Variants in RBL1 observed in about 807,000 individuals in gnomAD.
The protein encoded by RBL1 is retinoblastoma-like protein 1.
In RBL1, 82 loss-of-function variants were observed where a neutral mutation model predicts 123.0. The observed-to-expected ratio is 0.67, with a 90% CI of 0.56 to 0.80. RBL1 has a LOEUF of 0.80. Among genes scored for constraint, RBL1 ranks in the 30% least tolerant of loss-of-function variants. The pLI, the probability that RBL1 is intolerant of heterozygous loss-of-function variation, is 0.00. For synonymous variants in RBL1, 405 were observed against 441.3 expected (o/e 0.92, Z 1.03); for missense variants, 1,171 against 1,299.6 (o/e 0.90, Z 1.52).
chr20:37,060,678 G>C (rs2065079196), intron 9 of RBL1, among the ~76,000 whole-genome samples: 1 of 152,054 alleles, frequency 6.6e-6, no homozygotes, highest in Admixed American at 6.6e-5. Flanking sequence ...GCTAACTTGG[G>C]GGACTGAGGT....
intron 16 of RBL1, among the ~76,000 whole-genome samples, chr20:37,029,176 A>G (rs968219640): frequency 6.6e-6 from 1 of 152,232 alleles, no homozygotes; most frequent in African/African-American, 2.4e-5. Context: ...AAAATACTCA[A>G]AAAGCTAGGA....
intron 6 of RBL1, 58 bp downstream of exon 6, chr20:37,066,661 TTTTTC>T: frequency 6.7e-7 from 1 of 1,483,732 alleles, no homozygotes; most frequent in Non-Finnish European, 9.2e-7. Flanking sequence ...TTAAAACATT[TTTTTC>T]TTTTCACATT....
intron 9 of RBL1, among the ~76,000 whole-genome samples, chr20:37,060,173 A>AAAATT (rs1555862302): frequency 6.8e-6 from 1 of 146,308 alleles, no homozygotes; most frequent in African/African-American, 2.5e-5. Context: ...ACTCTGTCTC[A>AAAATT]AAATAAATAA....
At chr20:37,022,888 G>A in intron 16 of RBL1, 62 bp from the exon 17 acceptor site, 2 of 1,320,072 alleles carry the variant, frequency 1.5e-6, no homozygotes, top group Admixed American at 2.1e-5. Context: ...AAATTTTTAT[G>A]TCTTACCAAG....
rs1229113144 is a variant in RBL1 at position 37,089,566 on chromosome 20, C to T, written c.157-444G>A. On this transcript the variant is annotated intron_variant, in intron 1 of 21. Transcript: ENST00000373664. The stretch of plus-strand genomic sequence containing the variant: ...GGCTGAGGCAAGAGTATCGCTTAAG[C>T]TCAGGAGTTCAAGACTGCAGTGAGC... 3.9e-5 allele frequency among the ~76,000 whole-genome samples: 6 copies of T among 151,906 alleles called. 1 individual carries two copies. In the South Asian group the frequency reaches 1.0e-3, roughly 26 times the overall value.
intron 21 of RBL1, 129 bp from the exon 22 acceptor site, chr20:36,999,058 T>A (rs1289602017): frequency 1.2e-6 from 1 of 859,914 alleles, no homozygotes; most frequent in Non-Finnish European, 1.7e-6. Context: ...AAGGACTCTT[T>A]TTAAAACTTA....
Position 37,095,909 on chromosome 20 carries a change from T to C in RBL1, c.20A>G (p.His7Arg). The C allele has an allele frequency of 1.9e-6, 3 of 1,600,242 alleles. No homozygotes were observed. The highest frequency in any genetic ancestry group is 2.6e-6 in the Non-Finnish European group (3 of 1,174,738). ...GGCGACCACCGCCGCCCCCTCAGCG[T>C]GGGGCTTGTCCTCGAACATCCCTTC... MFEDKP[H>R]AEGAAVVAAA... Residue 7 changes from histidine (H) to arginine (R), a missense_variant, in exon 1 of 22, where the codon CAC (histidine) becomes CGC (arginine). Coordinates refer to ENST00000373664, the MANE Select transcript of RBL1 (RefSeq NM_002895.5).
chr20:37,000,934 C>A (rs1387481740), intron 21 of RBL1, among the ~76,000 whole-genome samples: 1 of 144,766 alleles, frequency 6.9e-6, no homozygotes, highest in Admixed American at 6.7e-5. Context: ...CCGCCCCATC[C>A]GGGAGGTGAG....
At position 37,095,901 on chromosome 20, in the gene RBL1, C is replaced by G. The variant is rs779023874; in HGVS notation, c.28G>C (p.Gly10Arg). The G allele has an allele frequency of 6.2e-7, 1 of 1,602,112 alleles. No individual in the cohort carries two copies. Among genetic ancestry groups the G allele is most frequent in the Non-Finnish European group, 8.5e-7 (1 of 1,175,510 alleles). Residue 10 changes from glycine (G) to arginine (R), a missense_variant, in exon 1 of 22, where the codon GGG (glycine) becomes CGG (arginine). Transcript: ENST00000373664. ...CCGGCTGCGGCGACCACCGCCGCCC[C>G]CTCAGCGTGGGGCTTGTCCTCGAAC... MFEDKPHAE[G>R]AAVVAAAGEA...
At chr20:37,043,028 G>A (rs1478412924) in intron 13 of RBL1, among the ~76,000 whole-genome samples, 1 of 151,628 alleles carries the variant, frequency 6.6e-6, no homozygotes, top group Non-Finnish European at 1.5e-5. Flanking sequence ...AAGGAAATGA[G>A]CCAGATGTGG....
rs2063913867 is a variant in RBL1, at chr20:36,998,547, C to T, written c.*212G>A. On this transcript the variant is annotated 3_prime_UTR_variant, in exon 22 of 22. Transcript: ENST00000373664. ...CCGGACTATTAGTATTTTTAAAAGGCACTTAAAATATTCCTTTCCAATCCA... is the reference window on the plus strand; with the variant it reads ...CCGGACTATTAGTATTTTTAAAAGGTACTTAAAATATTCCTTTCCAATCCA... The T allele has an allele frequency of 3.6e-5, 18 of 501,198 alleles. No homozygotes were observed. In the South Asian group the frequency reaches 4.9e-4, roughly 14 times the overall value. 31.0% of individuals were successfully genotyped at this position (501,198 alleles called of 1,614,324 possible).
intron 21 of RBL1, among the ~76,000 whole-genome samples, chr20:37,001,929 A>AC (rs1271864802): frequency 6.6e-6 from 1 of 150,884 alleles, no homozygotes; most frequent in African/African-American, 2.4e-5. Context: ...AAAAAAAAAA[A>AC]AAAAAAAAAA....
chr20:37,087,548 C>T (rs2065568730), intron 2 of RBL1, among the ~76,000 whole-genome samples: 1 of 152,122 alleles, frequency 6.6e-6, no homozygotes, highest in Admixed American at 6.6e-5. Flanking sequence ...AAAGGTGCCA[C>T]TGCACTCGAG....
intron 11 of RBL1, among the ~76,000 whole-genome samples, chr20:37,054,444 A>G (rs894911202): frequency 5.9e-5 from 9 of 152,116 alleles, no homozygotes; most frequent in Non-Finnish European, 1.2e-4. Context: ...AGATCGCGCC[A>G]CTGCACTCCA....
intron 9 of RBL1, 92 bp from the exon 10 acceptor site, chr20:37,056,350 TC>T: frequency 5.7e-5 from 69 of 1,209,428 alleles, no homozygotes; most frequent in East Asian, 7.5e-5. Context: ...GCCTTCTTCT[TC>T]TTTTTTTTTT....
At chr20:37,056,297 A>G in intron 9 of RBL1, 39 bp from the exon 10 acceptor site, 1 of 1,542,988 alleles carries the variant, frequency 6.5e-7, no homozygotes, top group Non-Finnish European at 8.7e-7. Flanking sequence ...AAACCAAACA[A>G]AAACAAACAA....
At chr20:37,074,487 G>A (rs1308902939) in intron 2 of RBL1, among the ~76,000 whole-genome samples, 1 of 151,766 alleles carries the variant, frequency 6.6e-6, no homozygotes, top group African/African-American at 2.4e-5. Flanking sequence ...ACATGAAAAG[G>A]TGCTCAACAT....
At chr20:37,054,514 AAAAT>A (rs2064971784) in intron 11 of RBL1, among the ~76,000 whole-genome samples, 1 of 151,630 alleles carries the variant, frequency 6.6e-6, no homozygotes, top group Non-Finnish European at 1.5e-5. Context: ...TAAAAAAATT[AAAAT>A]AAATAAAAGT....
Position 37,002,486 on chromosome 20 carries a change from G to C in RBL1, c.3036+1216C>G, listed in dbSNP as rs561681773. On this transcript the variant is annotated intron_variant, in intron 21 of 21. Transcript: ENST00000373664. ...AGCCTCCCAAGTAGCTGGGATTACAGGTGCCCACCACCATGCCCGGCTAAT... is the reference window on the plus strand; with the variant it reads ...AGCCTCCCAAGTAGCTGGGATTACACGTGCCCACCACCATGCCCGGCTAAT... Among the ~76,000 whole-genome samples, 4 of 149,264 alleles carry C rather than the reference G, an allele frequency of 2.7e-5. No individual in the cohort carries two copies. In the South Asian group the frequency reaches 8.5e-4, roughly 32 times the overall value.
Sources: allele counts gnomAD v4.1 joint callset (sites outside exome capture counted in the v4.1 genomes callset), GRCh38; gene constraint gnomAD v4.1.1; transcripts MANE v1.5; gene names NCBI Gene and HGNC (gene_info 2026-07-23, HGNC 2026-07-21).